OR4Q3: variants seen among roughly 807,000 people sequenced by gnomAD.
The protein encoded by OR4Q3 is olfactory receptor family 4 subfamily Q member 3.
In OR4Q3, 17 loss-of-function variants were observed where a neutral mutation model predicts 18.8. That is an observed-to-expected ratio of 0.91 (90% CI 0.62 to 1.36). The LOEUF (loss-of-function observed/expected upper bound fraction) is 1.36. Among genes scored for constraint, OR4Q3 ranks in the 40% most tolerant of loss-of-function variants. The pLI, the probability that OR4Q3 is intolerant of heterozygous loss-of-function variation, is 0.00. For missense variants in OR4Q3, 378 were observed against 373.4 expected (o/e 1.01, Z -0.10); for synonymous variants, 158 against 145.8 (o/e 1.08, Z -0.60).
chr14:19,748,401 C>G, exon 2 of OR4Q3: 1 of 1,455,730 alleles, frequency 6.9e-7, no homozygotes, highest in African/African-American at 1.4e-5. Context: ...TTGAAAAACA[C>G]ACTCTTTCTT....
At chr14:19,747,020 A>G in intron 1 of OR4Q3, among the ~76,000 whole-genome samples, 1 of 152,320 alleles carries the variant, frequency 6.6e-6, no homozygotes, top group Non-Finnish European at 1.5e-5. Flanking sequence ...AGAGAGGTTT[A>G]TTTTCTTGCC....
downstream of OR4Q3, among the ~76,000 whole-genome samples, chr14:19,749,833 A>G: frequency 5.5e-4 from 71 of 129,710 alleles, no homozygotes; most frequent in Non-Finnish European, 9.4e-4. Context: ...TATTTATCCC[A>G]ATTATACAGA....
chr14:19,747,953 G>A, exon 2 of OR4Q3: 1 of 1,614,064 alleles, frequency 6.2e-7, no homozygotes, highest in African/African-American at 1.3e-5. Context: ...CAATGAACTG[G>A]ACAACTTCTA....
chr14:19,749,612 A>AAC, downstream of OR4Q3: 1 of 143,162 alleles, frequency 7.0e-6, no homozygotes, highest in African/African-American at 2.7e-5. Context: ...AGCAAAAAAA[A>AAC]AAAAAAAAAA....
At chr14:19,750,213 G>A, downstream of OR4Q3, among the ~76,000 whole-genome samples, 1 of 152,122 alleles carries the variant, frequency 6.6e-6, no homozygotes, top group African/African-American at 2.4e-5. Context: ...TTGAACTCCT[G>A]ACCTCAGGTG....
At chr14:19,747,412 T>C in exon 2 of OR4Q3, 1 of 1,546,816 alleles carries the variant, frequency 6.5e-7, no homozygotes, top group East Asian at 2.2e-5. Flanking sequence ...TTAGGTCACT[T>C]GATATTCTTG....
downstream of OR4Q3, among the ~76,000 whole-genome samples, chr14:19,751,172 G>T: frequency 2.0e-5 from 3 of 152,210 alleles, no homozygotes; most frequent in Non-Finnish European, 4.4e-5. Flanking sequence ...AGAAAAGCAA[G>T]AGCTTTTTAT....
chr14:19,743,574 C>G (rs1193589958), exon 1 of OR4Q3: 1 of 152,404 alleles, frequency 6.6e-6, no homozygotes, highest in Non-Finnish European at 1.5e-5. Flanking sequence ...GAGGATAGCC[C>G]ATTTTGCTGG....
downstream of OR4Q3, among the ~76,000 whole-genome samples, chr14:19,750,143 C>T: frequency 1.3e-5 from 2 of 152,076 alleles, no homozygotes; most frequent in Non-Finnish European, 2.9e-5. Context: ...GGCCACCATG[C>T]CTGGCTAATT....
At chr14:19,748,319 G>A in exon 2 of OR4Q3, 1 of 1,613,342 alleles carries the variant, frequency 6.2e-7, no homozygotes, top group South Asian at 1.1e-5. Flanking sequence ...TATGAAGACA[G>A]CTATGAAGAA....
chr14:19,748,321 T>A, exon 2 of OR4Q3: 1 of 1,613,140 alleles, frequency 6.2e-7, no homozygotes, highest in Non-Finnish European at 8.5e-7. Context: ...TGAAGACAGC[T>A]ATGAAGAAGC....
downstream of OR4Q3, among the ~76,000 whole-genome samples, chr14:19,749,646 A>AATAATT: frequency 2.0e-5 from 3 of 148,650 alleles, no homozygotes; most frequent in Admixed American, 2.0e-4. Context: ...AAAGCAAGCT[A>AATAATT]ATAATTATAT....
At chr14:19,748,813 T>C in exon 2 of OR4Q3, 1 of 168,726 alleles carries the variant, frequency 5.9e-6, no homozygotes, top group African/African-American at 2.4e-5. Context: ...TCTGAAGTAG[T>C]GTGAATTTCT....
At chr14:19,744,657 T>G (rs1877390954) in intron 1 of OR4Q3, among the ~76,000 whole-genome samples, 2 of 152,206 alleles carry the variant, frequency 1.3e-5, no homozygotes, top group South Asian at 4.1e-4. Context: ...ATATTTTTAT[T>G]GACTTTTTCA....
chr14:19,752,312 A>G, downstream of OR4Q3, among the ~76,000 whole-genome samples: 3 of 152,374 alleles, frequency 2.0e-5, no homozygotes, highest in African/African-American at 7.2e-5. Flanking sequence ...TAGAACTTAA[A>G]TAATACAACA....
At chr14:19,747,720 G>A in exon 2 of OR4Q3, 1 of 1,613,910 alleles carries the variant, frequency 6.2e-7, no homozygotes, top group Non-Finnish European at 8.5e-7. Flanking sequence ...TTTTCAGGAT[G>A]CCTGGCCCAG....
At chr14:19,746,030 A>G in intron 1 of OR4Q3, among the ~76,000 whole-genome samples, 1 of 152,044 alleles carries the variant, frequency 6.6e-6, no homozygotes, top group African/African-American at 2.4e-5. Context: ...CATCCTAGAG[A>G]AAGTTTTGTT....
At chr14:19,750,308 C>A, downstream of OR4Q3, among the ~76,000 whole-genome samples, 1 of 152,122 alleles carries the variant, frequency 6.6e-6, no homozygotes, top group Non-Finnish European at 1.5e-5. Context: ...TCTATAATAC[C>A]TGTATAGGAG....
chr14:19,745,170 C>G, intron 1 of OR4Q3, among the ~76,000 whole-genome samples: 3 of 152,128 alleles, frequency 2.0e-5, no homozygotes, highest in Non-Finnish European at 4.4e-5. Flanking sequence ...TAATCCAAAT[C>G]TTATCAGAGT....
Sources: allele counts gnomAD v4.1 joint callset (sites outside exome capture counted in the v4.1 genomes callset), GRCh38; gene constraint gnomAD v4.1.1; transcripts MANE v1.5; gene names NCBI Gene and HGNC (gene_info 2026-07-23, HGNC 2026-07-21).